The following PDE4A variants were observed in gnomAD, a reference collection of about 807,000 sequenced individuals.
The protein encoded by PDE4A is phosphodiesterase 4A.
PDE4A carries 21 observed loss-of-function variants against 73.9 expected under a neutral mutation model. The observed-to-expected ratio is 0.28, with a 90% CI of 0.20 to 0.41. The LOEUF is 0.41. PDE4A is among the 10% of genes least tolerant of loss of function. PDE4A has a pLI of 1.00. For missense variants in PDE4A, 958 were observed against 1,211.4 expected, an observed-to-expected ratio of 0.79 and a Z score of 3.10; for synonymous variants, 463 against 505.4, an observed-to-expected ratio of 0.92 and a Z score of 1.13.
intron 11 of PDE4A, 129 bp downstream of exon 11, chr19:10,461,232 G>T (rs1220715425): frequency 7.9e-7 from 1 of 1,263,482 alleles, no homozygotes; most frequent in Non-Finnish European, 1.1e-6. Context: ...CCTGGAAAGG[G>T]GATGGCCGGG....
rs1467765880 is a variant in PDE4A at position 10,467,059 on chromosome 19, A to C, written c.2099A>C (p.His700Pro). ...GAGGAGGAGTCAAGGGGGCCAGGCCACCCACCCCTGCCTGACAAGTTCCAG... is the reference window on the plus strand; with the variant it reads ...GAGGAGGAGTCAAGGGGGCCAGGCCCCCCACCCCTGCCTGACAAGTTCCAG... ...PPEEESRGPG[H>P]PPLPDKFQFE... Residue 700 changes from histidine to proline, a missense_variant, in exon 15 of 15, where the codon CAC becomes CCC. His to Pro is a moderately conservative substitution (Grantham distance 77). Coordinates refer to ENST00000380702, the MANE Select transcript of PDE4A (RefSeq NM_001111307.2). 6.2e-7 allele frequency: 1 copy of C among 1,614,118 alleles called. No individual in the cohort carries two copies. Among genetic ancestry groups the C allele is most frequent in the East Asian group, 2.2e-5 (1 of 44,890 alleles).
At chr19:10,421,393 A>G in intron 1 of PDE4A, 1 of 958,386 alleles carries the variant, frequency 1.0e-6, no homozygotes, top group South Asian at 4.8e-5. Flanking sequence ...AGTGCAGAAC[A>G]GCTGCTAAGC....
At chr19:10,460,871 A>C in intron 10 of PDE4A, 133 bp from the exon 11 acceptor site, 1 of 863,266 alleles carries the variant, frequency 1.2e-6, no homozygotes, top group Non-Finnish European at 1.7e-6. Context: ...GATGGCCTCG[A>C]ACTTCTGGCC....
intron 1 of PDE4A, among the ~76,000 whole-genome samples, chr19:10,437,223 A>C (rs909928915): frequency 3.3e-5 from 5 of 151,744 alleles, no homozygotes; most frequent in Non-Finnish European, 2.9e-5. Flanking sequence ...TCCCAGGATC[A>C]AGTGATTCTC....
intron 1 of PDE4A, among the ~76,000 whole-genome samples, chr19:10,435,583 C>CAG (rs965292196): frequency 1.3e-5 from 2 of 151,810 alleles, no homozygotes; most frequent in African/African-American, 4.8e-5. Flanking sequence ...CACACACACA[C>CAG]ACACACACAA....
Position 10,461,233 on chromosome 19 carries a change from G to A in PDE4A, c.1465+130G>A, listed in dbSNP as rs1277791552. ...GCGGGGCTGGCTGGCCTGGAAAGGG[G>A]ATGGCCGGGCAGGAGGCGGGGCTGG... is the stretch of plus-strand genomic sequence containing the variant. On this transcript the variant is annotated intron_variant, in intron 11 of 14. Transcript: ENST00000380702. 1.2e-5 allele frequency: 12 copies of A among 1,019,622 alleles called. No homozygotes were observed. The African/African-American group carries it at 1.4e-4, about 12-fold the overall frequency. 63.2% of individuals were successfully genotyped at this position (1,019,622 alleles called of 1,614,324 possible).
At chr19:10,429,493 T>G (rs1168872604) in intron 1 of PDE4A, among the ~76,000 whole-genome samples, 1 of 152,118 alleles carries the variant, frequency 6.6e-6, no homozygotes, top group Non-Finnish European at 1.5e-5. Context: ...CATCCCACTA[T>G]GCCCTGCTAA....
intron 13 of PDE4A, 141 bp downstream of exon 13, chr19:10,462,140 T>G (rs1272985378): frequency 1.6e-5 from 11 of 704,376 alleles, no homozygotes; most frequent in Non-Finnish European, 2.6e-5. Context: ...TTTTTTTGTT[T>G]GTTTGTTTTT....
intron 13 of PDE4A, among the ~76,000 whole-genome samples, chr19:10,463,276 G>A (rs1452915275): frequency 6.6e-6 from 1 of 151,500 alleles, no homozygotes; most frequent in African/African-American, 2.4e-5. Context: ...TTTTAGTAGA[G>A]ATGGGGTTTC....
rs764090649 is a variant in PDE4A at position 10,459,388 on chromosome 19, C to T, written c.1102-12C>T. 18 of 1,614,080 alleles carry T rather than the reference C, an allele frequency of 1.1e-5. No homozygotes were observed. Among genetic ancestry groups the T allele is most frequent in the South Asian group, 2.2e-5 (2 of 91,082 alleles). The stretch of plus-strand genomic sequence containing the variant: ...TTACAGGCTTCTGACCTCTGGCCTC[C>T]GTCTCCACCAGGAACTGGAGAACCT... On this transcript the variant is annotated splice_polypyrimidine_tract_variant and intron_variant, in intron 8 of 14. Transcript: ENST00000380702.
In PDE4A at chr19:10,462,032, G is replaced by A. The variant is rs771149659; in HGVS notation, c.1743+33G>A. On this transcript the variant is annotated intron_variant, in intron 13 of 14. Coordinates refer to ENST00000380702, the MANE Select transcript of PDE4A (RefSeq NM_001111307.2). ...CACGCCCCATCATCTAAGGAGGGAG[G>A]ACACTCCCCCAGCCACACCTTTAGG... 102 of 1,571,168 alleles carry A rather than the reference G, an allele frequency of 6.5e-5. 1 individual carries two copies. In the Middle Eastern group the frequency reaches 8.5e-4, roughly 13 times the overall value.
At chr19:10,465,027 T>G (rs1397554575) in intron 14 of PDE4A, among the ~76,000 whole-genome samples, 1 of 151,346 alleles carries the variant, frequency 6.6e-6, no homozygotes. Flanking sequence ...CCTCCCCACT[T>G]TATATCCTCC....
chr19:10,469,409 C>T lies in PDE4A; in HGVS notation c.*1788C>T, dbSNP rs2043439033. The T allele has an allele frequency of 6.6e-6, 1 of 152,252 alleles. No homozygotes were observed. The highest frequency in any genetic ancestry group is 6.6e-5 in the Admixed American group (1 of 15,250). 9.4% of individuals were successfully genotyped at this position (152,252 alleles called of 1,614,324 possible). A position where few individuals can be genotyped will look rare whatever the true frequency, so the allele number is the denominator to read the frequency against. On this transcript the variant is annotated 3_prime_UTR_variant, in exon 15 of 15. Coordinates refer to ENST00000380702, the MANE Select transcript of PDE4A (RefSeq NM_001111307.2). Reference sequence around the variant, plus strand: ...TTGTTTTATGGGAAGTCGTGTCATCCTAGGGGTTGGGGCTGGGCAGAGCCT... The same window carrying T: ...TTGTTTTATGGGAAGTCGTGTCATCTTAGGGGTTGGGGCTGGGCAGAGCCT...
At chr19:10,465,442 A>T (rs1350576519) in intron 14 of PDE4A, among the ~76,000 whole-genome samples, 1 of 151,116 alleles carries the variant, frequency 6.6e-6, no homozygotes, top group Non-Finnish European at 1.5e-5. Flanking sequence ...CTGGTCTCGA[A>T]CTCCCGACCT....
Position 10,420,924 on chromosome 19 carries a change from C to A in PDE4A, c.160C>A (p.Arg54Ser). The A allele has an allele frequency of 6.3e-7, 1 of 1,579,456 alleles. No homozygotes were observed. Among genetic ancestry groups the A allele is most frequent in the African/African-American group, 1.4e-5 (1 of 73,472 alleles). ...GCGCGGCTACTCCGACAGCGCGGAG[C>A]GCGCCGAGCGGGAGCGGCAGCCGCA... is the stretch of plus-strand genomic sequence containing the variant. ...QQRGYSDSAE[R>S]AERERQPHRP... The change falls in exon 1 of 15, where the codon CGC becomes AGC. Residue 54 changes from arginine to serine, a missense_variant. This residue lies in a region of PDE4A where 145 missense variants were observed against 137.8 expected (regional missense o/e 1.05). Coordinates refer to ENST00000380702, the MANE Select transcript of PDE4A (RefSeq NM_001111307.2). The surrounding 1 kb of genome is among the most constrained non-coding windows in gnomAD (Gnocchi z 6.0).
chr19:10,443,684 G>A (rs956028289), intron 1 of PDE4A, among the ~76,000 whole-genome samples: 1 of 152,128 alleles, frequency 6.6e-6, no homozygotes, highest in Non-Finnish European at 1.5e-5. Flanking sequence ...CAGGACTCCA[G>A]CCTGGGCGAT....
rs564724354 is a variant in PDE4A, at chr19:10,436,127, G to A, written c.321-10091G>A. Among the ~76,000 whole-genome samples the A allele has an allele frequency of 6.6e-5, 10 of 152,258 alleles. 1 individual carries two copies. Among genetic ancestry groups the A allele is most frequent in the South Asian group, 2.1e-4 (1 of 4,826 alleles). On this transcript the variant is annotated intron_variant, in intron 1 of 14. Transcript: ENST00000380702. ...ACTGCAGCTTAAATCCTAGGCCGGG[G>A]AGTTGGAGGTGTGTAGCTATGTTCC...
chr19:10,444,570 A>T (rs2042979764), intron 1 of PDE4A, among the ~76,000 whole-genome samples: 1 of 151,838 alleles, frequency 6.6e-6, no homozygotes, highest in Admixed American at 6.6e-5. Flanking sequence ...TGTGGCAGTG[A>T]CATTTGAGCA....
At position 10,420,693 on chromosome 19, in the gene PDE4A, C is replaced by T; in HGVS notation, c.-72C>T. 7.2e-7 allele frequency: 1 copy of T among 1,390,658 alleles called. No homozygotes were observed. The highest frequency in any genetic ancestry group is 1.6e-5 in the South Asian group (1 of 62,030). 86.1% of individuals were successfully genotyped at this position (1,390,658 alleles called of 1,614,324 possible). A position where few individuals can be genotyped will look rare whatever the true frequency, so the allele number is the denominator to read the frequency against. ...ACCCGCGGGGCCCTGGGCTCGCTGG[C>T]TTGCGCGCAGCTGAGCGGGGTGTAG... On this transcript the variant is annotated 5_prime_UTR_variant, in exon 1 of 15. Coordinates refer to ENST00000380702, the MANE Select transcript of PDE4A (RefSeq NM_001111307.2). This position sits in a 1 kb window ranked among gnomAD's most constrained non-coding sequence, Gnocchi z 6.0.
Sources: allele counts gnomAD v4.1 joint callset (sites outside exome capture counted in the v4.1 genomes callset), GRCh38; gene constraint gnomAD v4.1.1; regional missense constraint gnomAD v4.1.1; non-coding constraint Gnocchi (gnomAD v3.1); transcripts MANE v1.5; gene names NCBI Gene and HGNC (gene_info 2026-07-23, HGNC 2026-07-21).